Variants in BRINP3 observed in about 807,000 individuals in gnomAD.
BRINP3 encodes the protein BMP/retinoic acid inducible neural specific 3, also known as BMP/retinoic acid-inducible neural-specific protein 3.
BRINP3 carries 19 observed loss-of-function variants against 71.0 expected under a neutral mutation model. That is an observed-to-expected ratio of 0.27 (90% CI 0.19 to 0.39). The LOEUF (loss-of-function observed/expected upper bound fraction) is 0.39. BRINP3 is among the 10% of genes least tolerant of loss of function. The probability of loss-of-function intolerance (pLI) is 1.00; values close to 1 mark genes in which losing one functional copy is unlikely to be tolerated. For synonymous variants in BRINP3, 380 were observed against 337.7 expected (o/e 1.13, Z -1.37); for missense variants, 959 against 940.8 (o/e 1.02, Z -0.25).
At chr1:190,278,319 T>C (rs935250397) in intron 3 of BRINP3, among the ~76,000 whole-genome samples, 1 of 151,568 alleles carries the variant, frequency 6.6e-6, no homozygotes, top group African/African-American at 2.4e-5. Flanking sequence ...TGGTCTTCAT[T>C]AATTAAGAGA....
At chr1:190,352,260 A>C (rs1368616759) in intron 2 of BRINP3, among the ~76,000 whole-genome samples, 1 of 152,066 alleles carries the variant, frequency 6.6e-6, no homozygotes, top group Non-Finnish European at 1.5e-5. Flanking sequence ...AAATATAGTT[A>C]AACACAATTC....
At chr1:190,131,014 C>A (rs1262889546) in intron 7 of BRINP3, among the ~76,000 whole-genome samples, 1 of 151,808 alleles carries the variant, frequency 6.6e-6, no homozygotes, top group African/African-American at 2.4e-5. Context: ...CGTGGAAAAG[C>A]AAATCCATAT....
chr1:190,237,447 T>C (rs1250948535), intron 4 of BRINP3, among the ~76,000 whole-genome samples: 2 of 151,840 alleles, frequency 1.3e-5, no homozygotes, highest in African/African-American at 2.4e-5. Flanking sequence ...ACAGAGATGC[T>C]AACTGTGCCA....
chr1:190,467,586 A>G (rs1472452155), intron 1 of BRINP3, among the ~76,000 whole-genome samples: 1 of 151,488 alleles, frequency 6.6e-6, no homozygotes, highest in Non-Finnish European at 1.5e-5. Flanking sequence ...TTTAACCCAG[A>G]GGTTAGCCTT....
intron 7 of BRINP3, among the ~76,000 whole-genome samples, chr1:190,157,311 G>A (rs1206875645): frequency 6.6e-6 from 1 of 151,840 alleles, no homozygotes; most frequent in Non-Finnish European, 1.5e-5. Flanking sequence ...TTTTTGATTG[G>A]GAGAAATCTG....
chr1:190,434,254 T>C (rs1674302125), intron 2 of BRINP3, among the ~76,000 whole-genome samples: 1 of 151,834 alleles, frequency 6.6e-6, no homozygotes, highest in Non-Finnish European at 1.5e-5. Flanking sequence ...GGATTACAGA[T>C]GCCCACCACC....
At chr1:190,331,030 G>A (rs931464580) in intron 2 of BRINP3, among the ~76,000 whole-genome samples, 5 of 151,720 alleles carry the variant, frequency 3.3e-5, no homozygotes, top group Non-Finnish European at 5.9e-5. Context: ...ACTAGCATCC[G>A]AACTTCAGCA....
intron 2 of BRINP3, among the ~76,000 whole-genome samples, chr1:190,313,098 C>T (rs987935616): frequency 2.0e-5 from 3 of 151,322 alleles, no homozygotes; most frequent in Non-Finnish European, 4.4e-5. Flanking sequence ...TAATTTAGAG[C>T]AATTTGAAAA....
At chr1:190,194,272 A>C (rs1384269557) in intron 6 of BRINP3, among the ~76,000 whole-genome samples, 1 of 152,094 alleles carries the variant, frequency 6.6e-6, no homozygotes, top group Non-Finnish European at 1.5e-5. Flanking sequence ...GCAAGAAAGT[A>C]TTCTCCTGTA....
chr1:190,136,644 T>A (rs905822386), intron 7 of BRINP3, among the ~76,000 whole-genome samples: 1 of 152,128 alleles, frequency 6.6e-6, no homozygotes, highest in East Asian at 1.9e-4. Context: ...TACGCAAACA[T>A]TTTTATTTTT....
At chr1:190,434,659 A>C (rs774372277) in intron 2 of BRINP3, among the ~76,000 whole-genome samples, 1 of 151,998 alleles carries the variant, frequency 6.6e-6, no homozygotes, top group Non-Finnish European at 1.5e-5. Context: ...ATAACATCTT[A>C]CTATTATTAT....
intron 2 of BRINP3, among the ~76,000 whole-genome samples, chr1:190,294,585 G>A (rs747505795): frequency 1.2e-4 from 19 of 152,194 alleles, no homozygotes; most frequent in Admixed American, 2.6e-4. Flanking sequence ...CTGGCTGAGA[G>A]GGCAAACCTC....
At chr1:190,402,731 A>T (rs1387766493) in intron 2 of BRINP3, among the ~76,000 whole-genome samples, 1 of 152,094 alleles carries the variant, frequency 6.6e-6, no homozygotes, top group Non-Finnish European at 1.5e-5. Context: ...TCATTTATTT[A>T]TTCATTTATC....
At chr1:190,335,027 T>C (rs1301780095) in intron 2 of BRINP3, among the ~76,000 whole-genome samples, 1 of 151,854 alleles carries the variant, frequency 6.6e-6, no homozygotes, top group Non-Finnish European at 1.5e-5. Context: ...TTGCCTATTT[T>C]ATATTGTAAT....
At chr1:190,289,233 T>A (rs186691025) in intron 2 of BRINP3, among the ~76,000 whole-genome samples, 110 of 152,070 alleles carry the variant, frequency 7.2e-4, no homozygotes, top group African/African-American at 2.5e-3. Flanking sequence ...AAGATGAGTT[T>A]TGAATAATAA....
chr1:190,220,353 G>T (rs867634071), intron 6 of BRINP3, among the ~76,000 whole-genome samples: 16 of 151,920 alleles, frequency 1.1e-4, no homozygotes, highest in African/African-American at 3.9e-4. Context: ...GAGATCACAC[G>T]GACACAGGGA....
chr1:190,120,468 C>A lies in BRINP3; in HGVS notation c.1185-21334G>T, dbSNP rs540021939. ...AAGCATTTAAATACAATTTTACAAA[C>A]CTACTTTTTAATTTATTTATTTAAT... On this transcript the variant is annotated intron_variant, in intron 7 of 7. Transcript: ENST00000367462. Among the ~76,000 whole-genome samples the A allele has an allele frequency of 1.8e-3, 274 of 151,780 alleles. 2 individuals carry two copies. The highest frequency in any genetic ancestry group is 6.0e-3 in the African/African-American group (249 of 41,446).
chr1:190,196,658 GTTTT>G (rs201310383), intron 6 of BRINP3, among the ~76,000 whole-genome samples: 1 of 150,664 alleles, frequency 6.6e-6, no homozygotes, highest in African/African-American at 2.4e-5. Context: ...TAACTGATAG[GTTTT>G]TTTTTGTTTG....
chr1:190,410,630 C>A (rs556128053), intron 2 of BRINP3, among the ~76,000 whole-genome samples: 1 of 151,882 alleles, frequency 6.6e-6, no homozygotes, highest in African/African-American at 2.4e-5. Flanking sequence ...TCAGGAACAA[C>A]ACATAGAATA....
Sources: allele counts gnomAD v4.1 joint callset (sites outside exome capture counted in the v4.1 genomes callset), GRCh38; gene constraint gnomAD v4.1.1; transcripts MANE v1.5; gene names NCBI Gene and HGNC (gene_info 2026-07-23, HGNC 2026-07-21).